Variants in MTREX observed in about 807,000 individuals in gnomAD.
MTREX encodes Mtr4 exosome RNA helicase.
In MTREX, 76 loss-of-function variants were observed where a neutral mutation model predicts 135.4. The ratio of observed to expected loss-of-function variants is 0.56; its 90% CI spans 0.47 to 0.68. MTREX has a LOEUF of 0.68. Among genes scored for constraint, MTREX ranks in the 30% least tolerant of loss-of-function variants. The probability of loss-of-function intolerance (pLI) is 0.00; values close to 1 mark genes in which losing one functional copy is unlikely to be tolerated. For missense variants in MTREX, 920 were observed against 1,262.1 expected (o/e 0.73, Z 4.11); for synonymous variants, 404 against 401.6 (o/e 1.01, Z -0.07).
chr5:55,371,271 G>A (rs927595182), intron 16 of MTREX, among the ~76,000 whole-genome samples: 14 of 152,152 alleles, frequency 9.2e-5, no homozygotes, highest in African/African-American at 3.1e-4. Context: ...AAAAATGATA[G>A]TATTGCCATA....
At chr5:55,373,049 T>A (rs1386544451) in intron 16 of MTREX, among the ~76,000 whole-genome samples, 3 of 151,654 alleles carry the variant, frequency 2.0e-5, no homozygotes, top group Non-Finnish European at 2.9e-5. Context: ...GAAATTAGAT[T>A]TTTTTTAACC....
chr5:55,327,100 A>G (rs1480413975), intron 3 of MTREX, among the ~76,000 whole-genome samples: 1 of 152,204 alleles, frequency 6.6e-6, no homozygotes, highest in East Asian at 1.9e-4. Flanking sequence ...TCTATCACTG[A>G]TGGACATTTG....
Position 55,388,111 on chromosome 5 carries a change from A to C in MTREX, c.2181+9A>C, listed in dbSNP as rs1346913435. On this transcript the variant is annotated intron_variant, in intron 19 of 26. Coordinates refer to ENST00000230640, the MANE Select transcript of MTREX (RefSeq NM_015360.5). ...AGAAAGGAGAGATGCAGGTTTGTAC[A>C]TAACTTTCTGTCTTCTGATTTCAGA... The C allele has an allele frequency of 6.3e-7, 1 of 1,590,474 alleles. No individual in the cohort carries two copies. Among genetic ancestry groups the C allele is most frequent in the Non-Finnish European group, 8.6e-7 (1 of 1,164,458 alleles).
At chr5:55,359,267 T>A (rs1378190961) in intron 15 of MTREX, among the ~76,000 whole-genome samples, 1 of 152,230 alleles carries the variant, frequency 6.6e-6, no homozygotes, top group African/African-American at 2.4e-5. Context: ...GAAGAGCTTC[T>A]CAAGGAAGAT....
intron 14 of MTREX, chr5:55,356,761 T>C: frequency 6.5e-6 from 1 of 153,118 alleles, no homozygotes; most frequent in South Asian, 2.1e-4. Flanking sequence ...GGCCAAAACC[T>C]CTGGGGCACG....
Position 55,425,303 on chromosome 5 carries a change from C to A in MTREX, c.*531C>A. On this transcript the variant is annotated 3_prime_UTR_variant, in exon 27 of 27. Transcript: ENST00000230640. ...CTCTTTTCTTTCTTTAAAAGAAGTT[C>A]TTTCTTTGAAGAAATCCGATACATA... The A allele has an allele frequency of 6.2e-7, 1 of 1,607,652 alleles. No homozygotes were observed. Among genetic ancestry groups the A allele is most frequent in the Non-Finnish European group, 8.5e-7 (1 of 1,174,642 alleles).
At position 55,414,192 on chromosome 5, in the gene MTREX, T is replaced by A. The variant is rs1750929693; in HGVS notation, c.2762T>A (p.Met921Lys). The change falls in exon 24 of 27, where the codon ATG (methionine) becomes AAG (lysine). Residue 921 changes from methionine (M) to lysine (K), a missense_variant. This residue lies in a region of MTREX where 467 missense variants were observed against 589.7 expected (regional missense o/e 0.79). Transcript: ENST00000230640. ...CFVFQENSSE[M>K]PKLTEQLAGP... Reference sequence around the variant, plus strand: ...CCTTTTCTTTTATAGTCTAGTGAGATGCCCAAATTAACAGAACAATTAGCA... The same window carrying A: ...CCTTTTCTTTTATAGTCTAGTGAGAAGCCCAAATTAACAGAACAATTAGCA... 2 of 1,573,130 alleles carry A rather than the reference T, an allele frequency of 1.3e-6. No homozygotes were observed. Among genetic ancestry groups the A allele is most frequent in the East Asian group, 4.5e-5 (2 of 44,074 alleles).
chr5:55,339,003 G>A (rs1749599714), intron 5 of MTREX, among the ~76,000 whole-genome samples: 1 of 151,582 alleles, frequency 6.6e-6, no homozygotes, highest in Non-Finnish European at 1.5e-5. Flanking sequence ...TTTGGCCAAG[G>A]CTGGTCTCGA....
intron 15 of MTREX, among the ~76,000 whole-genome samples, chr5:55,360,750 A>G (rs1330614073): frequency 6.6e-6 from 1 of 152,182 alleles, no homozygotes; most frequent in East Asian, 1.9e-4. Context: ...TCTTTTATCA[A>G]GACTGGCATA....
chr5:55,405,630 C>G (rs1356882714), intron 22 of MTREX, 42 bp downstream of exon 22: 3 of 1,477,278 alleles, frequency 2.0e-6, no homozygotes, highest in Non-Finnish European at 2.8e-6. Flanking sequence ...TTTTTTTTTT[C>G]ATTTTTAATT....
chr5:55,313,396 A>G (rs896223252), intron 1 of MTREX, among the ~76,000 whole-genome samples: 1 of 152,172 alleles, frequency 6.6e-6, no homozygotes, highest in African/African-American at 2.4e-5. Context: ...AGCTGTGATC[A>G]TGACACTGCA....
intron 23 of MTREX, 137 bp downstream of exon 23, chr5:55,410,766 A>G: frequency 2.1e-6 from 1 of 470,346 alleles, no homozygotes; most frequent in Non-Finnish European, 3.8e-6. Flanking sequence ...AGCAACTTTA[A>G]CACAAATGTA....
chr5:55,357,540 C>G (rs757560339), intron 14 of MTREX: 1 of 154,136 alleles, frequency 6.5e-6, no homozygotes, highest in African/African-American at 2.4e-5. Flanking sequence ...GACATAAAGG[C>G]ATCTTCTCCA....
At chr5:55,362,866 A>G (rs1167599489) in intron 15 of MTREX, among the ~76,000 whole-genome samples, 1 of 152,238 alleles carries the variant, frequency 6.6e-6, no homozygotes, top group East Asian at 1.9e-4. Flanking sequence ...GAAGAAATAC[A>G]TGCTCCAATA....
At chr5:55,401,092 T>C (rs1750717500) in intron 21 of MTREX, among the ~76,000 whole-genome samples, 1 of 152,182 alleles carries the variant, frequency 6.6e-6, no homozygotes, top group Non-Finnish European at 1.5e-5. Flanking sequence ...TTCAGTCCAG[T>C]GGCATGATTA....
intron 2 of MTREX, among the ~76,000 whole-genome samples, chr5:55,323,137 T>C (rs1388984139): frequency 6.6e-6 from 1 of 152,204 alleles, no homozygotes; most frequent in African/African-American, 2.4e-5. Flanking sequence ...AATTATCTCC[T>C]ATAAATGGTG....
At chr5:55,418,769 CTT>C (rs751004319) in intron 25 of MTREX, among the ~76,000 whole-genome samples, 3 of 152,026 alleles carry the variant, frequency 2.0e-5, no homozygotes, top group Non-Finnish European at 2.9e-5. Flanking sequence ...GTATTTCTCT[CTT>C]TTGTTTTTAC....
chr5:55,350,401 A>T (rs1749807154), intron 12 of MTREX, among the ~76,000 whole-genome samples: 1 of 152,210 alleles, frequency 6.6e-6, no homozygotes, highest in Non-Finnish European at 1.5e-5. Context: ...CTGAATTATT[A>T]GTATCTAAGG....
At chr5:55,327,150 A>G (rs543409033) in intron 3 of MTREX, among the ~76,000 whole-genome samples, 67 of 152,340 alleles carry the variant, frequency 4.4e-4, no homozygotes, top group African/African-American at 1.5e-3. Context: ...TAGTGCTGCA[A>G]TGAATATACG....
Sources: gnomAD v4.1 joint callset for allele counts (sites outside exome capture counted in the v4.1 genomes callset) on GRCh38, gnomAD v4.1.1 for gene constraint, gnomAD v4.1.1 regional missense constraint, MANE v1.5 for transcripts, NCBI Gene and HGNC (gene_info 2026-07-23, HGNC 2026-07-21) for gene names.